Variants in CACNA2D3 observed in about 807,000 individuals in gnomAD.
The protein encoded by CACNA2D3 is voltage-dependent calcium channel subunit alpha-2/delta-3.
CACNA2D3 carries 60 observed loss-of-function variants against 160.6 expected under a neutral mutation model. The ratio of observed to expected loss-of-function variants is 0.37; its 90% CI spans 0.30 to 0.46. The LOEUF (loss-of-function observed/expected upper bound fraction) is 0.46, where lower values mean the gene tolerates loss of function less well. Ranked by LOEUF, CACNA2D3 falls within the 20% of genes least tolerant of loss-of-function variation. The probability of loss-of-function intolerance (pLI) is 1.00; values close to 1 mark genes in which losing one functional copy is unlikely to be tolerated. For synonymous variants in CACNA2D3, 558 were observed against 492.9 expected (o/e 1.13, Z -1.75); for missense variants, 1,205 against 1,365.0 (o/e 0.88, Z 1.85).
chr3:54,380,241 G>A (rs1699077814), intron 3 of CACNA2D3, among the ~76,000 whole-genome samples: 1 of 152,176 alleles, frequency 6.6e-6, no homozygotes, highest in Non-Finnish European at 1.5e-5. Context: ...TGCCCTTAAT[G>A]AGGGTAGAGA....
At chr3:54,531,967 C>G (rs532895503) in intron 5 of CACNA2D3, among the ~76,000 whole-genome samples, 1 of 152,162 alleles carries the variant, frequency 6.6e-6, no homozygotes, top group Non-Finnish European at 1.5e-5. Flanking sequence ...GCTTGGCAGC[C>G]GGTGTCTTGC....
At chr3:54,965,959 T>G (rs540734767) in intron 27 of CACNA2D3, among the ~76,000 whole-genome samples, 2 of 151,994 alleles carry the variant, frequency 1.3e-5, no homozygotes, top group African/African-American at 2.4e-5. Flanking sequence ...GCATGATTAA[T>G]GGGATGGAGG....
chr3:54,238,454 C>A (rs2107404086), intron 2 of CACNA2D3, among the ~76,000 whole-genome samples: 1 of 152,290 alleles, frequency 6.6e-6, no homozygotes, highest in Middle Eastern at 3.4e-3. Context: ...ACTATGTGGG[C>A]TTATTTTAAT....
intron 31 of CACNA2D3, among the ~76,000 whole-genome samples, chr3:54,989,182 C>T (rs1178233982): frequency 1.3e-5 from 2 of 152,208 alleles, no homozygotes; most frequent in Non-Finnish European, 2.9e-5. Context: ...GAGGAATAAT[C>T]GCACACGTGT....
chr3:54,684,611 T>C (rs1700415549), intron 11 of CACNA2D3, among the ~76,000 whole-genome samples: 1 of 152,214 alleles, frequency 6.6e-6, no homozygotes, highest in Admixed American at 6.5e-5. Flanking sequence ...TATTTTCCCT[T>C]GGTGCATTTC....
At chr3:54,287,706 CAG>C (rs1404682917) in intron 2 of CACNA2D3, among the ~76,000 whole-genome samples, 1 of 145,714 alleles carries the variant, frequency 6.9e-6, no homozygotes, top group African/African-American at 2.5e-5. Context: ...TGTAAAAGAA[CAG>C]AGATTATAAC....
intron 35 of CACNA2D3, among the ~76,000 whole-genome samples, chr3:55,035,916 T>G (rs1373444389): frequency 2.6e-5 from 4 of 152,194 alleles, no homozygotes; most frequent in African/African-American, 9.6e-5. Flanking sequence ...TATTAAAATT[T>G]GGTAGCCCCA....
intron 4 of CACNA2D3, among the ~76,000 whole-genome samples, chr3:54,465,561 C>T (rs375011614): frequency 1.7e-4 from 26 of 152,244 alleles, no homozygotes; most frequent in African/African-American, 5.5e-4. Context: ...GAGTGGTCTA[C>T]TGTACTCTTG....
intron 2 of CACNA2D3, among the ~76,000 whole-genome samples, chr3:54,172,923 A>G (rs535953926): frequency 6.6e-6 from 1 of 152,328 alleles, no homozygotes; most frequent in South Asian, 2.1e-4. Context: ...TGCTTCAAGA[A>G]GGGCCTCTCT....
intron 34 of CACNA2D3, among the ~76,000 whole-genome samples, chr3:55,011,663 TATGGAGCTAATTAGGGTCA>T (rs1703214343): frequency 6.6e-6 from 1 of 151,916 alleles, no homozygotes; most frequent in South Asian, 2.1e-4. Flanking sequence ...AGGAAGGAGA[TATGGAGCTAATTAGGGTCA>T]GTAGTTGGTA....
intron 2 of CACNA2D3, among the ~76,000 whole-genome samples, chr3:54,255,353 A>G (rs1702272681): frequency 1.3e-5 from 2 of 152,260 alleles, no homozygotes; most frequent in Admixed American, 6.5e-5. Context: ...AATTCCTAGC[A>G]ACGTGGGACC....
chr3:54,960,555 A>G (rs1032629836), intron 27 of CACNA2D3, among the ~76,000 whole-genome samples: 2 of 152,222 alleles, frequency 1.3e-5, no homozygotes, highest in Non-Finnish European at 2.9e-5. Context: ...CAAGATTATA[A>G]CAAATGCATA....
chr3:54,692,014 G>C (rs1042647621), intron 11 of CACNA2D3, among the ~76,000 whole-genome samples: 1 of 150,812 alleles, frequency 6.6e-6, no homozygotes, highest in African/African-American at 2.5e-5. Flanking sequence ...AGTCTCACTT[G>C]TCCAGGCTGG....
At chr3:54,224,330 A>G (rs1270074157) in intron 2 of CACNA2D3, among the ~76,000 whole-genome samples, 1 of 152,174 alleles carries the variant, frequency 6.6e-6, no homozygotes, top group Non-Finnish European at 1.5e-5. Context: ...CATTAAAATT[A>G]CAGTATAGTA....
At chr3:54,792,369 T>G (rs1193250457) in intron 13 of CACNA2D3, among the ~76,000 whole-genome samples, 2 of 152,190 alleles carry the variant, frequency 1.3e-5, no homozygotes, top group East Asian at 3.9e-4. Flanking sequence ...AATAGATAAC[T>G]TATAATATGT....
At chr3:54,839,673 C>T (rs1456981701) in intron 16 of CACNA2D3, among the ~76,000 whole-genome samples, 1 of 152,174 alleles carries the variant, frequency 6.6e-6, no homozygotes, top group Non-Finnish European at 1.5e-5. Flanking sequence ...TCTTTCTTGG[C>T]ACCACCCTCC....
chr3:54,313,951 AGT>A (rs35915041), intron 2 of CACNA2D3, among the ~76,000 whole-genome samples: 46,673 of 150,814 alleles, frequency 0.31, 7,644 homozygotes, highest in Non-Finnish European at 0.36. Flanking sequence ...TGGTTACATG[AGT>A]GTGTTCTTTA....
At chr3:54,280,979 G>C (rs1044945613) in intron 2 of CACNA2D3, among the ~76,000 whole-genome samples, 4 of 152,190 alleles carry the variant, frequency 2.6e-5, no homozygotes, top group Admixed American at 1.3e-4. Context: ...TGAACTCCCA[G>C]AGAATGAGGA....
At chr3:54,410,798 T>C (rs1287865177) in intron 4 of CACNA2D3, among the ~76,000 whole-genome samples, 1 of 152,224 alleles carries the variant, frequency 6.6e-6, no homozygotes, top group African/African-American at 2.4e-5. Flanking sequence ...TCAAGTCTTA[T>C]TATTTAAGAA....
Sources: allele counts gnomAD v4.1 joint callset (sites outside exome capture counted in the v4.1 genomes callset), GRCh38; gene constraint gnomAD v4.1.1; transcripts MANE v1.5; gene names NCBI Gene and HGNC (gene_info 2026-07-23, HGNC 2026-07-21).